ITPRID1: variants seen among roughly 807,000 people sequenced by gnomAD.
ITPRID1 encodes ITPR interacting domain containing 1.
In ITPRID1, 96 loss-of-function variants were observed where a neutral mutation model predicts 95.4. The ratio of observed to expected loss-of-function variants is 1.01; its 90% CI spans 0.85 to 1.19. The LOEUF (loss-of-function observed/expected upper bound fraction) is 1.19. Among genes scored for constraint, ITPRID1 ranks in the 50% most tolerant of loss-of-function variants. The pLI, the probability that ITPRID1 is intolerant of heterozygous loss-of-function variation, is 0.00. For synonymous variants in ITPRID1, 510 were observed against 453.6 expected (o/e 1.12, Z -1.58); for missense variants, 1,339 against 1,252.9 (o/e 1.07, Z -1.04).
rs1047510276 is a variant in ITPRID1, at chr7:31,642,250, C to T, written c.1303C>T (p.Pro435Ser). 3.2e-6 allele frequency: 5 copies of T among 1,551,036 alleles called. No individual in the cohort carries two copies. In the Admixed American group the frequency reaches 5.9e-5, roughly 18 times the overall value. ...CCTGGAGGAGCCGCTGGAACCGCTGCCCCTCCAGGTAGGAGGGTTTGGAAC... is the reference window on the plus strand; with the variant it reads ...CCTGGAGGAGCCGCTGGAACCGCTGTCCCTCCAGGTAGGAGGGTTTGGAAC... Reference protein sequence around the residue: ...GFLEEPLEPLPLQMPSLPNSQ... With the variant: ...GFLEEPLEPLSLQMPSLPNSQ... The change falls in exon 11 of 15, where the codon CCC becomes TCC. Residue 435 changes from proline (P) to serine (S), a missense_variant. Transcript: ENST00000615280.
chr7:31,587,894 A>T (rs918785902), intron 10 of ITPRID1, among the ~76,000 whole-genome samples: 1 of 152,072 alleles, frequency 6.6e-6, no homozygotes, highest in Non-Finnish European at 1.5e-5. Context: ...TGGGGAAAGG[A>T]TTCCCTATTT....
intron 10 of ITPRID1, among the ~76,000 whole-genome samples, chr7:31,609,438 T>C (rs1171071087): frequency 6.6e-6 from 1 of 151,612 alleles, no homozygotes; most frequent in Non-Finnish European, 1.5e-5. Context: ...GGCCTGAAAT[T>C]TTCTTTGTGG....
At chr7:31,519,663 G>A (rs921209441) in intron 1 of ITPRID1, among the ~76,000 whole-genome samples, 29 of 101,054 alleles carry the variant, frequency 2.9e-4, no homozygotes, top group African/African-American at 1.1e-3. Flanking sequence ...ATGTTATCCT[G>A]CTGGTATTTG....
At chr7:31,647,027 C>T (rs1287674834) in intron 12 of ITPRID1, among the ~76,000 whole-genome samples, 1 of 152,234 alleles carries the variant, frequency 6.6e-6, no homozygotes, top group Non-Finnish European at 1.5e-5. Flanking sequence ...ACAATTCAAA[C>T]ATACACACAT....
intron 10 of ITPRID1, among the ~76,000 whole-genome samples, chr7:31,634,915 A>G (rs1030036698): frequency 6.6e-6 from 1 of 152,168 alleles, no homozygotes; most frequent in Non-Finnish European, 1.5e-5. Context: ...ACTGAGGGCA[A>G]TGAGACGTCT....
intron 10 of ITPRID1, among the ~76,000 whole-genome samples, chr7:31,587,092 C>G (rs1366316908): frequency 6.6e-6 from 1 of 152,110 alleles, no homozygotes; most frequent in Non-Finnish European, 1.5e-5. Flanking sequence ...ACAGGGATGC[C>G]CTCTCTCACC....
At chr7:31,564,867 G>A (rs1358898302) in intron 5 of ITPRID1, among the ~76,000 whole-genome samples, 1 of 152,120 alleles carries the variant, frequency 6.6e-6, no homozygotes, top group Non-Finnish European at 1.5e-5. Context: ...GCTCTTCCAA[G>A]TTTTAAGGAA....
In ITPRID1 at chr7:31,635,745, G is replaced by C. The variant is rs144124122; in HGVS notation, c.1229-6431G>C. 1.4e-3 allele frequency among the ~76,000 whole-genome samples: 215 copies of C among 152,094 alleles called. 2 individuals are homozygous for C. The highest frequency in any genetic ancestry group is 5.2e-3 in the African/African-American group (214 of 41,492). On this transcript the variant is annotated intron_variant, in intron 10 of 14. Coordinates refer to ENST00000615280, the MANE Select transcript of ITPRID1 (RefSeq NM_001257967.3). ...TTAAATGAGAACACATGGACACAGG[G>C]AGGGGAACACCACACATTGGGGCTT...
chr7:31,592,081 G>A (rs985644649), intron 10 of ITPRID1, among the ~76,000 whole-genome samples: 12 of 152,258 alleles, frequency 7.9e-5, no homozygotes, highest in African/African-American at 2.4e-4. Flanking sequence ...GTAAGAAAAT[G>A]TGAACCAACA....
chr7:31,567,140 T>G (rs1784828377), intron 5 of ITPRID1, among the ~76,000 whole-genome samples: 1 of 152,192 alleles, frequency 6.6e-6, no homozygotes, highest in Non-Finnish European at 1.5e-5. Context: ...AGTCAAATAT[T>G]CTATTGTAAT....
chr7:31,515,467 C>G (rs544972476), intron 1 of ITPRID1, among the ~76,000 whole-genome samples: 2 of 152,164 alleles, frequency 1.3e-5, no homozygotes, highest in South Asian at 4.2e-4. Context: ...CACAGCTACT[C>G]AGGAGGCTGA....
At chr7:31,621,801 C>T (rs1449714030) in intron 10 of ITPRID1, among the ~76,000 whole-genome samples, 14 of 150,648 alleles carry the variant, frequency 9.3e-5, no homozygotes, top group African/African-American at 3.4e-4. Context: ...AATTAAAAGA[C>T]ACAGACTGGC....
intron 10 of ITPRID1, among the ~76,000 whole-genome samples, chr7:31,633,586 A>T (rs938988482): frequency 1.3e-5 from 2 of 152,156 alleles, no homozygotes; most frequent in African/African-American, 4.8e-5. Context: ...ACTACCGCCC[A>T]TTGTCCTGAA....
intron 1 of ITPRID1, among the ~76,000 whole-genome samples, chr7:31,525,239 G>A (rs1583458930): frequency 6.6e-6 from 1 of 152,204 alleles, no homozygotes; most frequent in Non-Finnish European, 1.5e-5. Context: ...TGGTGCCAGA[G>A]CTGCCACTGA....
At chr7:31,549,633 G>A in intron 2 of ITPRID1, 134 bp downstream of exon 2, 1 of 564,708 alleles carries the variant, frequency 1.8e-6, no homozygotes, top group Non-Finnish European at 2.9e-6. Context: ...TCAGAAAGCA[G>A]CAGAGCTGAT....
intron 5 of ITPRID1, among the ~76,000 whole-genome samples, chr7:31,559,100 G>A (rs752585971): frequency 2.6e-5 from 4 of 152,042 alleles, no homozygotes; most frequent in Non-Finnish European, 5.9e-5. Context: ...AAATTTTGCT[G>A]GATTATTGCC....
At chr7:31,600,846 G>C (rs1282702048) in intron 10 of ITPRID1, among the ~76,000 whole-genome samples, 1 of 152,092 alleles carries the variant, frequency 6.6e-6, no homozygotes, top group Non-Finnish European at 1.5e-5. Context: ...TCAACTACTA[G>C]TTTGATGTTA....
At chr7:31,515,211 T>A (rs1391197015) in intron 1 of ITPRID1, among the ~76,000 whole-genome samples, 1 of 151,834 alleles carries the variant, frequency 6.6e-6, no homozygotes, top group Non-Finnish European at 1.5e-5. Flanking sequence ...TCCTTTCCAC[T>A]ACTTCTCCAC....
intron 1 of ITPRID1, among the ~76,000 whole-genome samples, chr7:31,520,788 A>G (rs1213258271): frequency 3.3e-5 from 5 of 152,080 alleles, no homozygotes; most frequent in Non-Finnish European, 5.9e-5. Flanking sequence ...ATGTATATAC[A>G]TATACCCATG....
Sources: allele counts gnomAD v4.1 joint callset (sites outside exome capture counted in the v4.1 genomes callset), GRCh38; gene constraint gnomAD v4.1.1; transcripts MANE v1.5; gene names NCBI Gene and HGNC (gene_info 2026-07-23, HGNC 2026-07-21).